The following ROBO2 variants were observed in gnomAD, a reference collection of about 807,000 sequenced individuals.
The protein encoded by ROBO2 is roundabout homolog 2.
Under a neutral mutation model 160.8 loss-of-function variants are expected in ROBO2, and 53 were observed. That is an observed-to-expected ratio of 0.33 (90% confidence interval 0.26 to 0.41). The LOEUF is 0.41. Ranked by LOEUF, ROBO2 falls within the 10% of genes least tolerant of loss-of-function variation. The probability of loss-of-function intolerance (pLI) is 1.00; values close to 1 mark genes in which losing one functional copy is unlikely to be tolerated. For synonymous variants in ROBO2, 664 were observed against 611.7 expected (o/e 1.09, Z -1.26); for missense variants, 1,577 against 1,722.4 (o/e 0.92, Z 1.49).
chr3:76,524,854 A>AT (rs2081853242), intron 2 of ROBO2, among the ~76,000 whole-genome samples: 1 of 143,158 alleles, frequency 7.0e-6, no homozygotes, highest in African/African-American at 2.7e-5. Context: ...AAAAAAAAAA[A>AT]AAAAAAAAAA....
chr3:75,915,686 G>A (rs1946782745), intron 1 of ROBO2, among the ~76,000 whole-genome samples: 1 of 152,048 alleles, frequency 6.6e-6, no homozygotes, highest in Non-Finnish European at 1.5e-5. Context: ...ATGTTGAGGT[G>A]GCATTTGCAT....
chr3:76,881,761 G>A (rs1261174762), intron 2 of ROBO2, among the ~76,000 whole-genome samples: 1 of 152,180 alleles, frequency 6.6e-6, no homozygotes, highest in African/African-American at 2.4e-5. Flanking sequence ...TGACCCAGAC[G>A]TGGCATCTAA....
At chr3:77,608,021 C>A in intron 21 of ROBO2, 67 bp downstream of exon 22, 1 of 1,530,504 alleles carries the variant, frequency 6.5e-7, no homozygotes, top group South Asian at 1.1e-5. Context: ...TTCATTTTTG[C>A]CATCATCTTA....
intron 2 of ROBO2, among the ~76,000 whole-genome samples, chr3:77,306,706 G>A (rs2063124647): frequency 6.6e-6 from 1 of 152,128 alleles, no homozygotes; most frequent in Admixed American, 6.6e-5. Context: ...ATATATGGGA[G>A]AAAGTTATCT....
At chr3:76,452,909 A>G (rs1210858567) in intron 2 of ROBO2, among the ~76,000 whole-genome samples, 1 of 152,018 alleles carries the variant, frequency 6.6e-6, no homozygotes, top group Non-Finnish European at 1.5e-5. Flanking sequence ...TTTGATTTGC[A>G]TTTCTCTGAT....
chr3:77,608,008 T>A, intron 21 of ROBO2, 54 bp downstream of exon 22: 6 of 1,580,172 alleles, frequency 3.8e-6, no homozygotes, highest in Non-Finnish European at 5.2e-6. Context: ...CTCCTCTCTG[T>A]TGTTCATTTT....
At chr3:77,157,486 G>A (rs1269202645) in intron 2 of ROBO2, among the ~76,000 whole-genome samples, 1 of 151,962 alleles carries the variant, frequency 6.6e-6, no homozygotes, top group Non-Finnish European at 1.5e-5. Flanking sequence ...TTATGCTCGG[G>A]GAATTCTTTT....
At chr3:76,676,592 T>C (rs1034334117) in intron 2 of ROBO2, among the ~76,000 whole-genome samples, 1 of 152,094 alleles carries the variant, frequency 6.6e-6, no homozygotes, top group African/African-American at 2.4e-5. Context: ...TTTGTTTTTC[T>C]AAAATGAGCT....
At chr3:77,125,775 TAACTG>T (rs1346847661) in intron 2 of ROBO2, among the ~76,000 whole-genome samples, 1 of 152,208 alleles carries the variant, frequency 6.6e-6, no homozygotes, top group African/African-American at 2.4e-5. Context: ...ATATATAACT[TAACTG>T]AAGTATAAGT....
chr3:76,561,044 C>A (rs1014357345), intron 2 of ROBO2, among the ~76,000 whole-genome samples: 1 of 149,562 alleles, frequency 6.7e-6, no homozygotes, highest in Non-Finnish European at 1.5e-5. Context: ...CAAGCTCTCT[C>A]TATATATAGA....
At chr3:75,994,559 C>A (rs905241539) in intron 2 of ROBO2, among the ~76,000 whole-genome samples, 3 of 152,144 alleles carry the variant, frequency 2.0e-5, no homozygotes, top group Admixed American at 1.3e-4. Flanking sequence ...TGGCTTCCAC[C>A]ATGATTGTAA....
intron 2 of ROBO2, among the ~76,000 whole-genome samples, chr3:76,839,248 T>C (rs2068000534): frequency 6.6e-6 from 1 of 152,172 alleles, no homozygotes; most frequent in Admixed American, 6.6e-5. Context: ...TGAAGATATT[T>C]TATGGGACAA....
At chr3:77,148,449 G>T (rs76968465) in intron 2 of ROBO2, among the ~76,000 whole-genome samples, 10 of 152,056 alleles carry the variant, frequency 6.6e-5, no homozygotes, top group African/African-American at 1.9e-4. Context: ...TTCACTCAAC[G>T]CTTAAGAGGA....
At chr3:76,022,360 A>G (rs1383142203) in intron 2 of ROBO2, among the ~76,000 whole-genome samples, 1 of 151,808 alleles carries the variant, frequency 6.6e-6, no homozygotes, top group Non-Finnish European at 1.5e-5. Flanking sequence ...AGTGTCATCT[A>G]GAGTAGTGAA....
rs377096848 is a variant in ROBO2 at position 76,844,372 on chromosome 3, A to G, written c.110-253642A>G. Among the ~76,000 whole-genome samples, 12 of 152,004 alleles carry G rather than the reference A, an allele frequency of 7.9e-5. No homozygotes were observed. In the East Asian group the frequency reaches 1.3e-3, roughly 17 times the overall value. ...CCAACAAATTAGAATATATAGAAAGATCTATGTATGTAGTAAGCCACATAT... is the reference window on the plus strand; with the variant it reads ...CCAACAAATTAGAATATATAGAAAGGTCTATGTATGTAGTAAGCCACATAT... On this transcript the variant is annotated intron_variant, in intron 2 of 26. Transcript: ENST00000487694.
At chr3:77,382,771 A>G (rs1432181218) in intron 2 of ROBO2, among the ~76,000 whole-genome samples, 1 of 152,202 alleles carries the variant, frequency 6.6e-6, no homozygotes, top group Non-Finnish European at 1.5e-5. Flanking sequence ...ATGGCTGAGT[A>G]GTATTCCATG....
At chr3:76,527,094 T>A (rs2081986544) in intron 2 of ROBO2, among the ~76,000 whole-genome samples, 1 of 152,068 alleles carries the variant, frequency 6.6e-6, no homozygotes, top group Non-Finnish European at 1.5e-5. Context: ...CTTCATGTCA[T>A]CATTACTTTG....
chr3:77,256,647 C>T (rs939140939), intron 2 of ROBO2, among the ~76,000 whole-genome samples: 2 of 152,112 alleles, frequency 1.3e-5, no homozygotes, highest in African/African-American at 4.8e-5. Context: ...TTATACAGTG[C>T]TTTATTTGTG....
intron 2 of ROBO2, among the ~76,000 whole-genome samples, chr3:76,299,229 A>C (rs1709239801): frequency 6.6e-6 from 1 of 152,172 alleles, no homozygotes; most frequent in African/African-American, 2.4e-5. Flanking sequence ...AACCAAAGAC[A>C]TCAGAGCAGT....
Sources: gnomAD v4.1 joint callset for allele counts (sites outside exome capture counted in the v4.1 genomes callset) on GRCh38, gnomAD v4.1.1 for gene constraint, MANE v1.5 for transcripts, NCBI Gene and HGNC (gene_info 2026-07-23, HGNC 2026-07-21) for gene names.